CACNB4: variants seen among roughly 807,000 people sequenced by gnomAD.
The protein encoded by CACNB4 is calcium voltage-gated channel auxiliary subunit beta 4, also known as voltage-dependent L-type calcium channel subunit beta-4.
Under a neutral mutation model 71.2 loss-of-function variants are expected in CACNB4, and 32 were observed. That is an observed-to-expected ratio of 0.45 (90% CI 0.34 to 0.60). The LOEUF (loss-of-function observed/expected upper bound fraction) is 0.60, where lower values mean the gene tolerates loss of function less well. CACNB4 is among the 20% of genes least tolerant of loss of function. The pLI is 0.01. For missense variants in CACNB4, 464 were observed against 647.9 expected (o/e 0.72, Z 3.08); for synonymous variants, 231 against 236.9 (o/e 0.97, Z 0.23).
chr2:151,926,343 C>T (rs1243946052), intron 2 of CACNB4, among the ~76,000 whole-genome samples: 1 of 152,136 alleles, frequency 6.6e-6, no homozygotes, highest in East Asian at 1.9e-4. Flanking sequence ...GCAAGCAAAT[C>T]ATGGGCCACA....
chr2:152,088,676 T>C (rs1687805439), intron 2 of CACNB4, among the ~76,000 whole-genome samples: 1 of 152,154 alleles, frequency 6.6e-6, no homozygotes, highest in African/African-American at 2.4e-5. Context: ...ATCAGAAAAA[T>C]TCAGTAGCCG....
intron 2 of CACNB4, among the ~76,000 whole-genome samples, chr2:152,066,911 G>A (rs1464034583): frequency 1.4e-5 from 2 of 145,142 alleles, no homozygotes; most frequent in South Asian, 2.2e-4. Flanking sequence ...ACCAAACACC[G>A]CATATTCTCA....
chr2:151,844,625 T>A (rs972257817), intron 12 of CACNB4, among the ~76,000 whole-genome samples: 1 of 152,196 alleles, frequency 6.6e-6, no homozygotes, highest in Non-Finnish European at 1.5e-5. Context: ...GTTACAAATA[T>A]AGAATCTCAG....
chr2:151,932,289 T>C (rs2099861812), intron 2 of CACNB4, among the ~76,000 whole-genome samples: 1 of 152,016 alleles, frequency 6.6e-6, no homozygotes, highest in Non-Finnish European at 1.5e-5. Context: ...GTAACACATC[T>C]TGGAAGAAAG....
intron 2 of CACNB4, among the ~76,000 whole-genome samples, chr2:152,085,202 C>T (rs956191811): frequency 7.9e-5 from 12 of 151,920 alleles, no homozygotes; most frequent in Non-Finnish European, 1.3e-4. Context: ...TACCTGCGGC[C>T]GCCATGCAAG....
intron 12 of CACNB4, among the ~76,000 whole-genome samples, chr2:151,847,690 C>A (rs947671942): frequency 6.6e-6 from 1 of 152,098 alleles, no homozygotes; most frequent in African/African-American, 2.4e-5. Flanking sequence ...GAGTTTGAGA[C>A]CATCTCTTTT....
At position 151,880,659 on chromosome 2, in the gene CACNB4, T is replaced by C. The variant is rs2276546; in HGVS notation, c.390+141A>G. 15 of 774,198 alleles carry C rather than the reference T, an allele frequency of 1.9e-5. No individual in the cohort carries two copies. The East Asian group carries it at 3.5e-4, about 18-fold the overall frequency. The allele number at this position is 774,198 out of a possible 1,614,324, so 48.0% of individuals were successfully genotyped here. ...ACTTCTCAATCTTAATGAGAATGAC[T>C]AGATTTGGGAGGCTCAGCAAATTAA... On this transcript the variant is annotated intron_variant, in intron 4 of 13. Transcript: ENST00000539935.
In CACNB4 at chr2:151,833,719, A is replaced by C. The variant is rs2099834288; in HGVS notation, c.*5400T>G. The C allele has an allele frequency of 6.6e-6, 1 of 152,074 alleles. No homozygotes were observed. The highest frequency in any genetic ancestry group is 6.5e-5 in the Admixed American group (1 of 15,282). 9.4% of individuals were successfully genotyped at this position (152,074 alleles called of 1,614,324 possible). Reference sequence around the variant, plus strand: ...AATCGACATACTTTTAAAAAATATGACTGCCAAATTTAACGGTGGATTTTG... The same window carrying C: ...AATCGACATACTTTTAAAAAATATGCCTGCCAAATTTAACGGTGGATTTTG... On this transcript the variant is annotated 3_prime_UTR_variant, in exon 14 of 14. Transcript: ENST00000539935.
intron 2 of CACNB4, among the ~76,000 whole-genome samples, chr2:151,917,485 C>T (rs548329707): frequency 2.6e-4 from 40 of 152,234 alleles, no homozygotes; most frequent in African/African-American, 9.4e-4. Context: ...AGGGCAGACC[C>T]AGTAAATGTT....
chr2:151,930,765 T>G (rs112583363), intron 2 of CACNB4, among the ~76,000 whole-genome samples: 51 of 152,298 alleles, frequency 3.3e-4, no homozygotes, highest in African/African-American at 1.1e-3. Context: ...AACCCATTTA[T>G]TTTTACATAT....
intron 2 of CACNB4, among the ~76,000 whole-genome samples, chr2:152,010,310 C>T (rs189903164): frequency 1.3e-5 from 2 of 152,282 alleles, no homozygotes; most frequent in East Asian, 3.9e-4. Context: ...CTAGACATGG[C>T]AAGCGTGTTA....
chr2:152,069,824 C>T (rs1273638832), intron 2 of CACNB4, among the ~76,000 whole-genome samples: 1 of 148,428 alleles, frequency 6.7e-6, no homozygotes, highest in Non-Finnish European at 1.5e-5. Context: ...GATAGAACAA[C>T]GACTTCATCA....
chr2:151,840,043 C>A (rs566819652), intron 13 of CACNB4, among the ~76,000 whole-genome samples: 1 of 152,228 alleles, frequency 6.6e-6, no homozygotes, highest in African/African-American at 2.4e-5. Context: ...CCTCTAATAC[C>A]ATTAATTGAA....
intron 2 of CACNB4, chr2:151,974,161 T>A (rs2099873342): frequency 6.2e-6 from 1 of 161,466 alleles, no homozygotes; most frequent in Non-Finnish European, 1.3e-5. Flanking sequence ...CGTGGAATGT[T>A]TGGAAAGGCA....
intron 12 of CACNB4, among the ~76,000 whole-genome samples, chr2:151,848,642 G>C (rs969548410): frequency 1.3e-5 from 2 of 152,168 alleles, no homozygotes; most frequent in African/African-American, 4.8e-5. Context: ...TTAGAGGTTT[G>C]CAAGACTCTA....
chr2:151,892,748 TA>T (rs1270542887), intron 2 of CACNB4, among the ~76,000 whole-genome samples: 1 of 152,180 alleles, frequency 6.6e-6, no homozygotes, highest in Non-Finnish European at 1.5e-5. Context: ...CAAAGCTTCA[TA>T]GGAGCTCAAA....
At chr2:152,067,378 T>G in intron 2 of CACNB4, among the ~76,000 whole-genome samples, 1 of 143,282 alleles carries the variant, frequency 7.0e-6, no homozygotes, top group Admixed American at 6.8e-5. Context: ...TTTATAGAGA[T>G]GTGTGTGTGT....
intron 11 of CACNB4, 138 bp from the exon 12 acceptor site, chr2:151,853,681 A>G: frequency 1.8e-6 from 1 of 567,802 alleles, no homozygotes; most frequent in Non-Finnish European, 3.1e-6. Context: ...ATATATTTAA[A>G]CCTGTAATGA....
Position 152,098,683 on chromosome 2 carries a change from C to A in CACNB4, c.63+266G>T, listed in dbSNP as rs749603775. The A allele has an allele frequency of 2.6e-6, 4 of 1,566,552 alleles. No homozygotes were observed. The highest frequency in any genetic ancestry group is 2.6e-6 in the Non-Finnish European group (3 of 1,155,798). ...ACTCTCAGGGTGCGGGGTCCGAGTC[C>A]CCGGCATCCGCTGGGGGAGGCTGCG... On this transcript the variant is annotated intron_variant, in intron 1 of 13. Transcript: ENST00000539935. The surrounding 1 kb of genome is among the most constrained non-coding windows in gnomAD (Gnocchi z 5.3).
Sources: gnomAD v4.1 joint callset for allele counts (sites outside exome capture counted in the v4.1 genomes callset) on GRCh38, gnomAD v4.1.1 for gene constraint, Gnocchi (gnomAD v3.1) non-coding constraint, MANE v1.5 for transcripts, NCBI Gene and HGNC (gene_info 2026-07-23, HGNC 2026-07-21) for gene names.